CTNND2: variants seen among roughly 807,000 people sequenced by gnomAD.
CTNND2 encodes the protein catenin delta-2.
A neutral mutation model predicts 144.4 loss-of-function variants in CTNND2; 22 were observed. The observed-to-expected ratio is 0.15, with a 90% confidence interval of 0.11 to 0.22. The LOEUF (loss-of-function observed/expected upper bound fraction) is 0.22, where lower values mean the gene tolerates loss of function less well. CTNND2 is among the 10% of genes least tolerant of loss of function. The pLI is 1.00. For synonymous variants in CTNND2, 751 were observed against 695.6 expected (o/e 1.08, Z -1.25); for missense variants, 1,353 against 1,618.8 (o/e 0.84, Z 2.82).
chr5:11,555,359 T>C (rs1458922957), intron 3 of CTNND2, among the ~76,000 whole-genome samples: 1 of 152,092 alleles, frequency 6.6e-6, no homozygotes, highest in African/African-American at 2.4e-5. Context: ...CAAAGAAAAC[T>C]GGGGTACTAT....
intron 2 of CTNND2, among the ~76,000 whole-genome samples, chr5:11,619,295 C>T (rs1365560541): frequency 6.6e-6 from 1 of 152,116 alleles, no homozygotes; most frequent in Admixed American, 6.5e-5. Context: ...GTGATCCCAG[C>T]TACTCCGGAG....
intron 3 of CTNND2, among the ~76,000 whole-genome samples, chr5:11,545,430 G>T (rs1775147449): frequency 6.6e-6 from 1 of 151,928 alleles, no homozygotes; most frequent in South Asian, 2.1e-4. Context: ...CCGGAATTTT[G>T]GGAGGCTGAG....
At chr5:11,343,146 G>A (rs937906148) in intron 9 of CTNND2, among the ~76,000 whole-genome samples, 4 of 152,108 alleles carry the variant, frequency 2.6e-5, no homozygotes, top group Non-Finnish European at 5.9e-5. Flanking sequence ...CCAAATGACT[G>A]AGCCAACCAT....
chr5:11,228,368 A>C (rs1278120034), intron 10 of CTNND2, among the ~76,000 whole-genome samples: 15 of 146,284 alleles, frequency 1.0e-4, no homozygotes, highest in Non-Finnish European at 1.9e-4. Flanking sequence ...AAAAAAAAAA[A>C]AAAAAAAAAA....
intron 10 of CTNND2, among the ~76,000 whole-genome samples, chr5:11,221,494 G>C (rs1580626823): frequency 1.3e-5 from 2 of 152,234 alleles, no homozygotes; most frequent in East Asian, 3.8e-4. Flanking sequence ...CTCAAAAGCA[G>C]TAAGTCTAAG....
At chr5:11,306,894 G>A (rs145341239) in intron 9 of CTNND2, among the ~76,000 whole-genome samples, 1 of 152,272 alleles carries the variant, frequency 6.6e-6, no homozygotes, top group African/African-American at 2.4e-5. Context: ...ACAGAGGACT[G>A]ACACCTCTGC....
chr5:11,651,925 C>G (rs1782664223), intron 2 of CTNND2, among the ~76,000 whole-genome samples: 1 of 152,068 alleles, frequency 6.6e-6, no homozygotes, highest in Non-Finnish European at 1.5e-5. Flanking sequence ...AGGGTCTTGA[C>G]TAGTCTCAGA....
At chr5:11,830,211 G>A (rs903385189) in intron 1 of CTNND2, among the ~76,000 whole-genome samples, 11 of 152,154 alleles carry the variant, frequency 7.2e-5, no homozygotes, top group Admixed American at 2.0e-4. Flanking sequence ...GTGGACTTTC[G>A]ACTTGATCCT....
chr5:11,228,953 G>A (rs1740668302), intron 10 of CTNND2, among the ~76,000 whole-genome samples: 2 of 152,046 alleles, frequency 1.3e-5, no homozygotes, highest in South Asian at 4.2e-4. Flanking sequence ...AGATTGTTAG[G>A]AGTTAAAAAA....
At chr5:11,196,345 C>T (rs1480401287) in intron 11 of CTNND2, among the ~76,000 whole-genome samples, 1 of 152,146 alleles carries the variant, frequency 6.6e-6, no homozygotes, top group African/African-American at 2.4e-5. Flanking sequence ...GGAGACCTCA[C>T]CCTGCCTTCC....
chr5:11,854,693 G>A (rs1330868205), intron 1 of CTNND2, among the ~76,000 whole-genome samples: 2 of 152,158 alleles, frequency 1.3e-5, no homozygotes, highest in African/African-American at 4.8e-5. Context: ...CTTAACACAA[G>A]TATCGAACGT....
At chr5:11,673,033 G>A (rs1050737685) in intron 2 of CTNND2, among the ~76,000 whole-genome samples, 2 of 152,100 alleles carry the variant, frequency 1.3e-5, no homozygotes, top group Non-Finnish European at 2.9e-5. Flanking sequence ...GCTGCAGACC[G>A]GAGCTGATCT....
At chr5:11,528,607 A>G (rs31780) in intron 3 of CTNND2, among the ~76,000 whole-genome samples, 98,892 of 151,966 alleles carry the variant, frequency 0.65, 32,512 homozygotes, top group Admixed American at 0.7. Flanking sequence ...GTCCTCAGGG[A>G]ACTCTTCCTC....
chr5:11,458,045 G>T (rs1281998509), intron 3 of CTNND2, among the ~76,000 whole-genome samples: 1 of 152,158 alleles, frequency 6.6e-6, no homozygotes, highest in Non-Finnish European at 1.5e-5. Context: ...TGGATCTAAA[G>T]ATGTTATTAA....
At chr5:11,379,706 G>A (rs904965570) in intron 7 of CTNND2, among the ~76,000 whole-genome samples, 2 of 152,076 alleles carry the variant, frequency 1.3e-5, no homozygotes, top group African/African-American at 4.8e-5. Flanking sequence ...GTTTTAAGAA[G>A]CAGTGAAGGA....
At chr5:11,848,717 C>T (rs990509664) in intron 1 of CTNND2, among the ~76,000 whole-genome samples, 28 of 152,148 alleles carry the variant, frequency 1.8e-4, no homozygotes, top group Non-Finnish European at 1.5e-4. Context: ...AGCTTCTATA[C>T]ACATAGCTCT....
intron 12 of CTNND2, among the ~76,000 whole-genome samples, chr5:11,137,881 C>T (rs1158050186): frequency 6.6e-6 from 1 of 152,136 alleles, no homozygotes; most frequent in Non-Finnish European, 1.5e-5. Context: ...CCACAAGTTA[C>T]CTCTAATTTA....
chr5:11,863,703 C>T (rs749976703), intron 1 of CTNND2, among the ~76,000 whole-genome samples: 2 of 152,174 alleles, frequency 1.3e-5, no homozygotes, highest in Non-Finnish European at 2.9e-5. Flanking sequence ...TTTGCCTCTT[C>T]TATCAAAGTA....
intron 7 of CTNND2, among the ~76,000 whole-genome samples, chr5:11,378,926 G>A (rs1758210351): frequency 6.6e-6 from 1 of 152,098 alleles, no homozygotes; most frequent in Non-Finnish European, 1.5e-5. Context: ...TTTGACTGGG[G>A]GACAAGTTAG....
Sources: allele counts gnomAD v4.1 joint callset (sites outside exome capture counted in the v4.1 genomes callset), GRCh38; gene constraint gnomAD v4.1.1; transcripts MANE v1.5; gene names NCBI Gene and HGNC (gene_info 2026-07-23, HGNC 2026-07-21).